Variants in MPZ observed in about 807,000 individuals in gnomAD.
MPZ encodes the protein myelin protein P0.
Under a neutral mutation model 27.9 loss-of-function variants are expected in MPZ, and 13 were observed. The ratio of observed to expected loss-of-function variants is 0.47; its 90% CI spans 0.30 to 0.74. The LOEUF is 0.74. Ranked by LOEUF, MPZ falls within the 30% of genes least tolerant of loss-of-function variation. MPZ has a pLI of 0.06. For synonymous variants in MPZ, 118 were observed against 128.9 expected (o/e 0.92, Z 0.57); for missense variants, 256 against 317.5 (o/e 0.81, Z 1.47).
Position 161,306,331 on chromosome 1 carries a change from G to A in MPZ, c.582C>T (p.Leu194=), listed in dbSNP as rs1670241710. ...GGGAGCTAGGCTCCGCCCCTTACCT[G>A]AGCCTCCTCTGCAGGGCCGCCTGCC... ...LRRQAALQRR[L]SAMEKGKLHK... is the part of the protein sequence containing the mutation. The change falls in exon 4 of 6, where the codon CTC becomes CTT. Residue 194 remains leucine, a splice_region_variant and synonymous_variant. Coordinates refer to ENST00000533357, the MANE Select transcript of MPZ (RefSeq NM_000530.8). 1.9e-6 allele frequency: 3 copies of A among 1,614,060 alleles called. No individual in the cohort carries two copies. In the South Asian group the frequency reaches 3.3e-5, roughly 18 times the overall value.
downstream of MPZ, among the ~76,000 whole-genome samples, chr1:161,303,980 C>T (rs1281462664): frequency 6.6e-6 from 1 of 152,084 alleles, no homozygotes; most frequent in Non-Finnish European, 1.5e-5. Context: ...TACTTGTGGG[C>T]ACTTTGGGTT....
chr1:161,305,685 C>A lies in MPZ; in HGVS notation c.*191G>T, dbSNP rs1329937162. 5.1e-6 allele frequency: 3 copies of A among 592,758 alleles called. No individual in the cohort carries two copies. The African/African-American group carries it at 5.6e-5, about 11-fold the overall frequency. The allele number at this position is 592,758 out of a possible 1,614,324, so 36.7% of individuals were successfully genotyped here. On this transcript the variant is annotated 3_prime_UTR_variant, in exon 6 of 6. Coordinates refer to ENST00000533357, the MANE Select transcript of MPZ (RefSeq NM_000530.8). ...GGGCCTGGGGTGGGGGGGTGGCGAT[C>A]ACTTGTCCGAGTTCAGGCCCATCAT...
At chr1:161,309,337 G>C (rs1670338300) in intron 1 of MPZ, among the ~76,000 whole-genome samples, 1 of 151,952 alleles carries the variant, frequency 6.6e-6, no homozygotes, top group Admixed American at 6.6e-5. Flanking sequence ...ACCAAACCCA[G>C]GTGTTTGAGC....
intron 4 of MPZ, 77 bp downstream of exon 4, chr1:161,306,252 C>G: frequency 6.2e-7 from 1 of 1,612,416 alleles, no homozygotes; most frequent in Non-Finnish European, 8.5e-7. Context: ...CCTTGGCCCT[C>G]CCACCCACTG....
At chr1:161,309,730 C>G (rs983174141) in intron 1 of MPZ, 109 bp downstream of exon 1, 2 of 907,880 alleles carry the variant, frequency 2.2e-6, no homozygotes, top group Admixed American at 4.0e-5. Context: ...CACCTTCCTG[C>G]TCCTGCTTGT....
At chr1:161,307,151 G>C in intron 2 of MPZ, 107 bp downstream of exon 2, 1 of 1,440,420 alleles carries the variant, frequency 6.9e-7, no homozygotes. Context: ...CCAAAGTTGG[G>C]GTTATGGCTC....
intron 1 of MPZ, among the ~76,000 whole-genome samples, chr1:161,309,553 T>TATATATATATATA (rs1553259997): frequency 1.6e-4 from 11 of 69,810 alleles, no homozygotes; most frequent in South Asian, 4.8e-4. Context: ...TATATATATA[T>TATATATATATATA]TTTTTTTTTT....
At chr1:161,307,560 C>T in intron 1 of MPZ, 136 bp from the exon 2 acceptor site, 2 of 915,310 alleles carry the variant, frequency 2.2e-6, no homozygotes, top group East Asian at 2.6e-5. Context: ...AATTCTGAGC[C>T]CCAAGTCTCT....
At chr1:161,306,526 C>G in intron 3 of MPZ, 62 bp from the exon 4 acceptor site, 1 of 1,607,086 alleles carries the variant, frequency 6.2e-7, no homozygotes, top group Non-Finnish European at 8.5e-7. Flanking sequence ...GGTTCCTAGT[C>G]CGAGTGTATG....
At position 161,305,824 on chromosome 1, in the gene MPZ, C is replaced by T. The variant is rs774701563; in HGVS notation, c.*52G>A. The T allele has an allele frequency of 1.5e-4, 210 of 1,379,146 alleles. No homozygotes were observed. Among genetic ancestry groups the T allele is most frequent in the Non-Finnish European group, 1.9e-4 (188 of 978,308 alleles). The allele number at this position is 1,379,146 out of a possible 1,614,324, so 85.4% of individuals were successfully genotyped here. On this transcript the variant is annotated 3_prime_UTR_variant, in exon 6 of 6. Transcript: ENST00000533357. Reference sequence around the variant, plus strand: ...ATCTCGATGACCATCACCTTTGGGCCTTTGGCGGACTCCACCCCTAACCCC... The same window carrying T: ...ATCTCGATGACCATCACCTTTGGGCTTTTGGCGGACTCCACCCCTAACCCC...
rs536840187 is a variant in MPZ, at chr1:161,306,188, T to A, written c.585-20A>T. The A allele has an allele frequency of 6.2e-7, 1 of 1,614,018 alleles. No homozygotes were observed. The highest frequency in any genetic ancestry group is 1.3e-5 in the African/African-American group (1 of 74,936). ...ATAGCACTGCAAGAAGAGAGACTGC[T>A]GTACGTTTGGCCTCGCCGGAACCCC... On this transcript the variant is annotated intron_variant, in intron 4 of 5. Transcript: ENST00000533357.
chr1:161,308,050 AC>A (rs1670305743), intron 1 of MPZ, among the ~76,000 whole-genome samples: 1 of 152,286 alleles, frequency 6.6e-6, no homozygotes, highest in Non-Finnish European at 1.5e-5. Context: ...TTAAGAACTT[AC>A]GTATCTGGAG....
chr1:161,306,490 G>C (rs754762365), intron 3 of MPZ, 26 bp from the exon 4 acceptor site: 4 of 1,614,148 alleles, frequency 2.5e-6, no homozygotes, highest in Admixed American at 3.3e-5. Flanking sequence ...AAAGAAGTGG[G>C]AGAATGAGCA....
rs760624968 is a variant in MPZ, at chr1:161,307,297, G to C, written c.195C>G (p.Thr65=). The stretch of plus-strand genomic sequence containing the variant: ...TGCCCCCTTCGGGCTGGTAGCGCCA[G>C]GTGAAGGAGATGTCATCTGAGACCC... ...SEWVSDDISF[T]WRYQPEGGRD... is the part of the protein sequence containing the mutation. Residue 65 remains threonine (T), a synonymous_variant, in exon 2 of 6, where the codon ACC becomes ACG. Transcript: ENST00000533357. The C allele has an allele frequency of 7.4e-6, 12 of 1,614,254 alleles. No homozygotes were observed. Among genetic ancestry groups the C allele is most frequent in the Middle Eastern group, 1.6e-4 (1 of 6,062 alleles).
At chr1:161,308,771 A>C (rs1670321724) in intron 1 of MPZ, among the ~76,000 whole-genome samples, 1 of 152,178 alleles carries the variant, frequency 6.6e-6, no homozygotes, top group Non-Finnish European at 1.5e-5. Flanking sequence ...GTGTTGAGAC[A>C]CAACTCTCCC....
rs368017311 is a variant in MPZ at position 161,306,308 on chromosome 1, G to C, written c.584+21C>G. 18 of 1,613,992 alleles carry C rather than the reference G, an allele frequency of 1.1e-5. No individual in the cohort carries two copies. The African/African-American group carries it at 2.3e-4, about 20-fold the overall frequency. On this transcript the variant is annotated intron_variant, in intron 4 of 5. Transcript: ENST00000533357. ...GGGGATAGTGGGGAGAGGGGGAGGG[G>C]AGCTAGGCTCCGCCCCTTACCTGAG...
At chr1:161,309,489 A>T (rs1670342950) in intron 1 of MPZ, among the ~76,000 whole-genome samples, 1 of 147,992 alleles carries the variant, frequency 6.8e-6, no homozygotes, top group Admixed American at 6.8e-5. Flanking sequence ...TTTCTTTTAA[A>T]ATAAAACCTC....
chr1:161,309,552 A>ATATTTTTTTTTT lies in MPZ; in HGVS notation c.67+286_67+287insAAAAAAAAAATA. On this transcript the variant is annotated intron_variant, in intron 1 of 5. Transcript: ENST00000533357. The stretch of plus-strand genomic sequence containing the variant: ...TTTCTTTTCATATATATATATATAT[A>ATATTTTTTTTTT]TTTTTTTTTTTTTTGAATTTTACAG... 7.9e-4 allele frequency among the ~76,000 whole-genome samples: 64 copies of ATATTTTTTTTTT among 80,626 alleles called. 1 individual carries two copies. The highest frequency in any genetic ancestry group is 2.3e-3 in the African/African-American group (40 of 17,330). The allele number at this position is 80,626 out of a possible 152,430, so 52.9% of individuals were successfully genotyped here.
downstream of MPZ, among the ~76,000 whole-genome samples, chr1:161,304,371 T>C (rs1571815264): frequency 1.3e-5 from 2 of 152,200 alleles, no homozygotes; most frequent in South Asian, 4.1e-4. Context: ...GATATCATTA[T>C]CTCAGTTGTT....
Sources: allele counts gnomAD v4.1 joint callset (sites outside exome capture counted in the v4.1 genomes callset), GRCh38; gene constraint gnomAD v4.1.1; transcripts MANE v1.5; gene names NCBI Gene and HGNC (gene_info 2026-07-23, HGNC 2026-07-21).